The following FILIP1 variants were observed in gnomAD, a reference collection of about 807,000 sequenced individuals.
FILIP1 encodes filamin A interacting protein 1.
A neutral mutation model predicts 102.1 loss-of-function variants in FILIP1; 61 were observed. The ratio of observed to expected loss-of-function variants is 0.60; its 90% CI spans 0.49 to 0.74. The LOEUF is 0.74. Ranked by LOEUF, FILIP1 falls within the 30% of genes least tolerant of loss-of-function variation. The probability of loss-of-function intolerance (pLI) is 0.00; values close to 1 mark genes in which losing one functional copy is unlikely to be tolerated. For missense variants in FILIP1, 1,314 were observed against 1,441.2 expected (o/e 0.91, Z 1.43); for synonymous variants, 491 against 526.9 (o/e 0.93, Z 0.93).
At chr6:75,316,139 C>G (rs1773437651) in intron 4 of FILIP1, among the ~76,000 whole-genome samples, 1 of 152,156 alleles carries the variant, frequency 6.6e-6, no homozygotes, top group South Asian at 2.1e-4. Context: ...TTATGAATAT[C>G]TGTAAAAAGT....
chr6:75,386,990 TTTGCTATCCCTAATGCTATCCTCCCC>T lies in FILIP1; in HGVS notation c.277-24099_277-24074del, dbSNP rs1441229038. On this transcript the variant is annotated intron_variant, in intron 2 of 5. Coordinates refer to ENST00000237172, the MANE Select transcript of FILIP1 (RefSeq NM_015687.5). ...GTATTTTGCCTAATGCTATCCTCCC[TTTGCTATCCCTAATGCTATCCTCCCC>T]TTGCCCCCCACCCACCAACAGGCCC... Among the ~76,000 whole-genome samples, 33 of 151,480 alleles carry T rather than the reference TTTGCTATCCCTAATGCTATCCTCCCC, an allele frequency of 2.2e-4. No homozygotes were observed. In the South Asian group the frequency reaches 5.6e-3, roughly 26 times the overall value.
At chr6:75,459,452 G>T (rs1037608132) in intron 1 of FILIP1, among the ~76,000 whole-genome samples, 1 of 152,114 alleles carries the variant, frequency 6.6e-6, no homozygotes, top group Non-Finnish European at 1.5e-5. Flanking sequence ...AATGAATTTA[G>T]AAAAGGGCAT....
At chr6:75,353,851 C>A in intron 3 of FILIP1, 134 bp from the exon 4 acceptor site, 1 of 805,220 alleles carries the variant, frequency 1.2e-6, no homozygotes, top group Non-Finnish European at 1.9e-6. Flanking sequence ...ACCACCATTT[C>A]CCCCATTGTA....
At chr6:75,327,153 ACACCCG>A (rs1773891964) in intron 4 of FILIP1, among the ~76,000 whole-genome samples, 1 of 152,166 alleles carries the variant, frequency 6.6e-6, no homozygotes, top group African/African-American at 2.4e-5. Context: ...TCAGTCACCT[ACACCCG>A]CTTCTTCCAG....
intron 1 of FILIP1, among the ~76,000 whole-genome samples, chr6:75,488,703 A>G (rs563216403): frequency 6.6e-6 from 1 of 152,242 alleles, no homozygotes; most frequent in African/African-American, 2.4e-5. Context: ...AGTAAAATTG[A>G]CAGATTTAAA....
chr6:75,385,056 C>T (rs903158137), intron 2 of FILIP1: 3 of 151,246 alleles, frequency 2.0e-5, no homozygotes, highest in African/African-American at 7.3e-5. Flanking sequence ...ACCTCGGCCT[C>T]CCAAAGTACT....
At chr6:75,417,464 T>G (rs1777305947) in intron 1 of FILIP1, among the ~76,000 whole-genome samples, 1 of 152,212 alleles carries the variant, frequency 6.6e-6, no homozygotes, top group Non-Finnish European at 1.5e-5. Context: ...TAACTAAGTC[T>G]GCTATAAATA....
intron 1 of FILIP1, among the ~76,000 whole-genome samples, chr6:75,445,813 T>G (rs1562610853): frequency 6.6e-6 from 1 of 151,508 alleles, no homozygotes. Flanking sequence ...ACCTCTTTTT[T>G]TGAACACATT....
At chr6:75,388,086 C>A (rs1776158467) in intron 2 of FILIP1, among the ~76,000 whole-genome samples, 1 of 152,150 alleles carries the variant, frequency 6.6e-6, no homozygotes, top group African/African-American at 2.4e-5. Flanking sequence ...GGTCCAGTTT[C>A]AGTTTTCTGC....
intron 1 of FILIP1, among the ~76,000 whole-genome samples, chr6:75,439,047 T>C (rs1298559825): frequency 6.6e-6 from 1 of 152,188 alleles, no homozygotes; most frequent in Admixed American, 6.5e-5. Context: ...TCTAATGAAA[T>C]GTCTCCAGAT....
chr6:75,440,204 C>T (rs1175259181), intron 1 of FILIP1, among the ~76,000 whole-genome samples: 1 of 151,926 alleles, frequency 6.6e-6, no homozygotes, highest in Admixed American at 6.6e-5. Context: ...AACATTATTT[C>T]AGAATAAAAA....
intron 1 of FILIP1, among the ~76,000 whole-genome samples, chr6:75,489,693 C>T (rs934132768): frequency 2.0e-5 from 3 of 152,058 alleles, no homozygotes; most frequent in Non-Finnish European, 4.4e-5. Flanking sequence ...ATCTGACTGA[C>T]TTAGTCATGC....
At chr6:75,336,507 GA>G (rs529331422) in intron 4 of FILIP1, among the ~76,000 whole-genome samples, 76 of 145,494 alleles carry the variant, frequency 5.2e-4, no homozygotes, top group South Asian at 4.8e-3. Flanking sequence ...AAACCCATGT[GA>G]AAAAAAAAAG....
At chr6:75,446,004 C>T (rs920135303) in intron 1 of FILIP1, among the ~76,000 whole-genome samples, 19 of 152,016 alleles carry the variant, frequency 1.2e-4, no homozygotes, top group Non-Finnish European at 2.8e-4. Flanking sequence ...ATCACCATGG[C>T]ATAGACTACT....
Position 75,436,823 on chromosome 6 carries a change from A to G in FILIP1, c.-6-21845T>C, listed in dbSNP as rs180904803. ...ATGTGCTGGTAAGCCAGCTCTCCAG[A>G]AAAAATAAAAATAAAAAAAGAAGGA... On this transcript the variant is annotated intron_variant, in intron 1 of 5. Coordinates refer to ENST00000237172, the MANE Select transcript of FILIP1 (RefSeq NM_015687.5). 2.2e-4 allele frequency among the ~76,000 whole-genome samples: 34 copies of G among 152,318 alleles called. No individual in the cohort carries two copies. In the South Asian group the frequency reaches 3.9e-3, roughly 18 times the overall value.
intron 4 of FILIP1, among the ~76,000 whole-genome samples, chr6:75,318,434 C>T (rs540915914): frequency 3.6e-4 from 54 of 151,840 alleles, no homozygotes; most frequent in Non-Finnish European, 6.6e-4. Flanking sequence ...AGAGTCGCCC[C>T]GATGTCACCT....
chr6:75,336,702 A>T (rs1385815827), intron 4 of FILIP1, among the ~76,000 whole-genome samples: 5 of 152,016 alleles, frequency 3.3e-5, no homozygotes, highest in Non-Finnish European at 7.4e-5. Flanking sequence ...CCTTTAAAAA[A>T]CCTTTTTTAA....
chr6:75,432,558 A>C (rs1392224874), intron 1 of FILIP1, among the ~76,000 whole-genome samples: 1 of 152,228 alleles, frequency 6.6e-6, no homozygotes, highest in Non-Finnish European at 1.5e-5. Context: ...TCTAAAAATA[A>C]ATTGATATTT....
intron 2 of FILIP1, among the ~76,000 whole-genome samples, chr6:75,363,921 G>A (rs1562504248): frequency 6.6e-6 from 1 of 152,144 alleles, no homozygotes; most frequent in Non-Finnish European, 1.5e-5. Flanking sequence ...CTAACTGTGG[G>A]ACTGAAATTA....
Sources: gnomAD v4.1 joint callset for allele counts (sites outside exome capture counted in the v4.1 genomes callset) on GRCh38, gnomAD v4.1.1 for gene constraint, MANE v1.5 for transcripts, NCBI Gene and HGNC (gene_info 2026-07-23, HGNC 2026-07-21) for gene names.